Variants in ECHDC2 observed in about 807,000 individuals in gnomAD.
ECHDC2 encodes enoyl-CoA hydratase domain-containing protein 2, mitochondrial.
A neutral mutation model predicts 40.6 loss-of-function variants in ECHDC2; 34 were observed. That is an observed-to-expected ratio of 0.84 (90% CI 0.64 to 1.11). The LOEUF is 1.11. ECHDC2 is among the 50% of genes most tolerant of loss of function. The pLI, the probability that ECHDC2 is intolerant of heterozygous loss-of-function variation, is 0.00. For synonymous variants in ECHDC2, 162 were observed against 166.6 expected, an observed-to-expected ratio of 0.97 and a Z score of 0.21; for missense variants, 392 against 400.7, an observed-to-expected ratio of 0.98 and a Z score of 0.19.
At chr1:52,906,930 A>T in intron 4 of ECHDC2, 1 of 154,304 alleles carries the variant, frequency 6.5e-6, no homozygotes, top group Non-Finnish European at 1.4e-5. Context: ...ACGCCCAGCT[A>T]ATTTTTTTGT....
At chr1:52,917,608 G>A (rs1211805142) in intron 1 of ECHDC2, 2 of 455,982 alleles carry the variant, frequency 4.4e-6, no homozygotes, top group Non-Finnish European at 8.8e-6. Context: ...GAGAACCTTA[G>A]TGCCCAGCTA....
chr1:52,919,812 GTC>G (rs1651491299), intron 1 of ECHDC2, among the ~76,000 whole-genome samples: 2 of 152,216 alleles, frequency 1.3e-5, no homozygotes, highest in Non-Finnish European at 1.5e-5. Flanking sequence ...CTTGGTTTCT[GTC>G]TCTCCTTCTC....
chr1:52,906,470 AC>A, intron 5 of ECHDC2, 48 bp downstream of exon 5: 1 of 1,454,044 alleles, frequency 6.9e-7, no homozygotes, highest in East Asian at 2.4e-5. Flanking sequence ...TGTTTCACTC[AC>A]CCCTGACTCC....
intron 3 of ECHDC2, 135 bp downstream of exon 3, chr1:52,911,431 C>T: frequency 1.2e-6 from 1 of 832,984 alleles, no homozygotes; most frequent in Non-Finnish European, 1.9e-6. Context: ...AATTTTCCTC[C>T]CTGAGTCTCT....
At chr1:52,917,316 A>C (rs1425129874) in intron 1 of ECHDC2, among the ~76,000 whole-genome samples, 1 of 152,182 alleles carries the variant, frequency 6.6e-6, no homozygotes, top group Non-Finnish European at 1.5e-5. Context: ...TGACGCCCGG[A>C]AACAAGGAGG....
rs772077006 is a variant in ECHDC2 at position 52,904,628 on chromosome 1, G to A, written c.702+18C>T. On this transcript the variant is annotated intron_variant, in intron 7 of 9. Coordinates refer to ENST00000371522, the MANE Select transcript of ECHDC2 (RefSeq NM_001198961.2). Reference sequence around the variant, plus strand: ...CCATGACTCCAGCCCTCCTTCTGGTGCCGAGCTGTCACCACACCTGGGGCA... The same window carrying A: ...CCATGACTCCAGCCCTCCTTCTGGTACCGAGCTGTCACCACACCTGGGGCA... 1.3e-6 allele frequency: 2 copies of A among 1,558,230 alleles called. No individual in the cohort carries two copies. The highest frequency in any genetic ancestry group is 1.2e-5 in the South Asian group (1 of 82,998).
At chr1:52,897,661 C>T (rs1381155930) in intron 8 of ECHDC2, 177 bp from the exon 9 acceptor site, 11 of 668,664 alleles carry the variant, frequency 1.6e-5, no homozygotes, top group African/African-American at 7.1e-5. Flanking sequence ...CTGGGAGAAA[C>T]GAGACAGACT....
intron 1 of ECHDC2, chr1:52,921,314 C>T (rs1651836429): frequency 2.2e-6 from 2 of 903,720 alleles, no homozygotes; most frequent in Non-Finnish European, 3.0e-6. Context: ...GTCGGAAGAC[C>T]CCAAAGGGCC....
chr1:52,916,473 C>G (rs1650687768), intron 1 of ECHDC2, among the ~76,000 whole-genome samples: 1 of 152,160 alleles, frequency 6.6e-6, no homozygotes, highest in Non-Finnish European at 1.5e-5. Context: ...ACCCTTCTGG[C>G]CTTCAATTTC....
Position 52,906,596 on chromosome 1 carries a change from GGTGCAGGGAAGGCTGCT to G in ECHDC2, c.365-2_379del. On this transcript the variant is annotated splice_acceptor_variant and coding_sequence_variant, in exon 5 of 10. Transcript: ENST00000371522. LOFTEE classifies it high-confidence loss of function. ...AAACCCATCCATAGCCGCAATGGTGGGTGCAGGGAAGGCTGCTGTGGAGAGGAAGAAAGGCTCAGCCT... is the reference window on the plus strand; with the variant it reads ...AAACCCATCCATAGCCGCAATGGTGGGTGGAGAGGAAGAAAGGCTCAGCCT... The G allele has an allele frequency of 6.2e-7, 1 of 1,610,830 alleles. No individual in the cohort carries two copies. Among genetic ancestry groups the G allele is most frequent in the Non-Finnish European group, 8.5e-7 (1 of 1,178,574 alleles).
At chr1:52,909,036 C>T (rs1327434209) in intron 3 of ECHDC2, among the ~76,000 whole-genome samples, 2 of 151,520 alleles carry the variant, frequency 1.3e-5, no homozygotes, top group Non-Finnish European at 2.9e-5. Context: ...TCAATCTCAT[C>T]GTCATTAGAC....
Position 52,896,547 on chromosome 1 carries a change from C to T in ECHDC2, c.852G>A (p.Lys284=). The change falls in exon 10 of 10, where the codon AAG becomes AAA. Residue 284 remains lysine (K), a synonymous_variant. Transcript: ENST00000371522. ...ATTTGCCAACAAATTTGGGAGTCCGCTTCTCCCTGAAGGCTGCCATGCCCT... is the reference window on the plus strand; with the variant it reads ...ATTTGCCAACAAATTTGGGAGTCCGTTTCTCCCTGAAGGCTGCCATGCCCT... ...RLEGMAAFRE[K]RTPKFVGK 6.2e-7 allele frequency: 1 copy of T among 1,614,186 alleles called. No individual in the cohort carries two copies. The highest frequency in any genetic ancestry group is 8.5e-7 in the Non-Finnish European group (1 of 1,180,026).
At position 52,912,097 on chromosome 1, in the gene ECHDC2, G is replaced by GAC. The variant is rs1360635773; in HGVS notation, c.122-309_122-308dup. On this transcript the variant is annotated intron_variant, in intron 1 of 9. Transcript: ENST00000371522. ...TGCCTGCTTCTGCTGTTGTTAGACAGACAGACACACACACACACAAGCACA... is the reference window on the plus strand; with the variant it reads ...TGCCTGCTTCTGCTGTTGTTAGACAGACACAGACACACACACACACAAGCACA... The GAC allele has an allele frequency of 1.5e-5, 19 of 1,286,370 alleles. No individual in the cohort carries two copies. The African/African-American group carries it at 2.7e-4, about 18-fold the overall frequency. The allele number at this position is 1,286,370 out of a possible 1,614,324, so 79.7% of individuals were successfully genotyped here.
chr1:52,908,619 C>A (rs368555106), intron 3 of ECHDC2, among the ~76,000 whole-genome samples: 1 of 151,818 alleles, frequency 6.6e-6, no homozygotes, highest in East Asian at 1.9e-4. Flanking sequence ...TCCAACTAAA[C>A]AACAAAACAA....
intron 3 of ECHDC2, among the ~76,000 whole-genome samples, chr1:52,910,552 A>G (rs1649214381): frequency 6.6e-6 from 1 of 151,622 alleles, no homozygotes; most frequent in African/African-American, 2.4e-5. Context: ...TATTTTTAGT[A>G]GAGACGCGGT....
intron 8 of ECHDC2, chr1:52,897,996 ACT>A (rs1210425537): frequency 5.4e-6 from 1 of 185,674 alleles, no homozygotes; most frequent in South Asian, 1.2e-4. Flanking sequence ...TCGAACTTGC[ACT>A]CTCTCTTCTT....
intron 7 of ECHDC2, among the ~76,000 whole-genome samples, chr1:52,903,416 G>A (rs758690354): frequency 6.6e-6 from 1 of 151,726 alleles, no homozygotes; most frequent in Non-Finnish European, 1.5e-5. Flanking sequence ...TTTTTAATGA[G>A]GGGTTTTTTG....
chr1:52,913,955 C>G (rs181123025), intron 1 of ECHDC2: 1 of 1,177,692 alleles, frequency 8.5e-7, no homozygotes, highest in East Asian at 6.3e-5. Context: ...ATTTTAAGTG[C>G]GTAAGTTCCT....
chr1:52,914,069 A>G lies in ECHDC2; in HGVS notation c.122-2279T>C, dbSNP rs1265983380. The G allele has an allele frequency of 2.4e-6, 2 of 818,896 alleles. No homozygotes were observed. Among genetic ancestry groups the G allele is most frequent in the Non-Finnish European group, 3.6e-6 (2 of 559,444 alleles). The allele number at this position is 818,896 out of a possible 1,614,324, so 50.7% of individuals were successfully genotyped here. A position where few individuals can be genotyped will look rare whatever the true frequency, so the allele number is the denominator to read the frequency against. On this transcript the variant is annotated intron_variant, in intron 1 of 9. Transcript: ENST00000371522. The surrounding 1 kb of genome is among the most constrained non-coding windows in gnomAD (Gnocchi z 4.0). ...TGATTCCAGAGACCAGGACAGACTCAAGGCCTGTCCTCATGGAACCTACAG... is the reference window on the plus strand; with the variant it reads ...TGATTCCAGAGACCAGGACAGACTCGAGGCCTGTCCTCATGGAACCTACAG...
Sources: gnomAD v4.1 joint callset for allele counts (sites outside exome capture counted in the v4.1 genomes callset) on GRCh38, gnomAD v4.1.1 for gene constraint, Gnocchi (gnomAD v3.1) non-coding constraint, MANE v1.5 for transcripts, NCBI Gene and HGNC (gene_info 2026-07-23, HGNC 2026-07-21) for gene names.